The following SIAH3 variants were observed in gnomAD, a reference collection of about 807,000 sequenced individuals.
The protein encoded by SIAH3 is seven in absentia homolog 3.
SIAH3 carries 9 observed loss-of-function variants against 12.6 expected under a neutral mutation model. The ratio of observed to expected loss-of-function variants is 0.72; its 90% CI spans 0.43 to 1.25. The LOEUF (loss-of-function observed/expected upper bound fraction) is 1.25. Ranked by LOEUF, SIAH3 falls within the 50% of genes most tolerant of loss-of-function variation. SIAH3 has a pLI of 0.00. For synonymous variants in SIAH3, 154 were observed against 151.1 expected (o/e 1.02, Z -0.14); for missense variants, 390 against 365.4 (o/e 1.07, Z -0.55).
chr13:45,791,778 T>G (rs1308675187), intron 1 of SIAH3, among the ~76,000 whole-genome samples: 1 of 152,226 alleles, frequency 6.6e-6, no homozygotes, highest in Non-Finnish European at 1.5e-5. Context: ...AATGAATTGC[T>G]TCTCCCAATT....
At chr13:45,846,119 C>T (rs375577676) in intron 1 of SIAH3, among the ~76,000 whole-genome samples, 28 of 86,802 alleles carry the variant, frequency 3.2e-4, no homozygotes, top group South Asian at 2.9e-3. Context: ...GACGGAGTTT[C>T]GCTCTTGTTG....
chr13:45,823,074 T>G (rs577328391), intron 1 of SIAH3, among the ~76,000 whole-genome samples: 54 of 152,316 alleles, frequency 3.5e-4, no homozygotes, highest in South Asian at 1.2e-3. Context: ...TAGCTCTTAT[T>G]TGAACCTCAG....
In SIAH3 at chr13:45,779,239, A is replaced by G. The variant is rs1163634034; in HGVS notation, c.*4144T>C. On this transcript the variant is annotated 3_prime_UTR_variant, in exon 2 of 2. Coordinates refer to ENST00000400405, the MANE Select transcript of SIAH3 (RefSeq NM_198849.3). ...AATAATTAGGAAGTGATGAGTTTTA[A>G]GTACTTTTGACCTTTGCTTTAAATA... The G allele has an allele frequency of 1.3e-5, 2 of 152,228 alleles. No homozygotes were observed. Among genetic ancestry groups the G allele is most frequent in the Non-Finnish European group, 2.9e-5 (2 of 68,034 alleles). 9.4% of individuals were successfully genotyped at this position (152,228 alleles called of 1,614,324 possible).
intron 1 of SIAH3, among the ~76,000 whole-genome samples, chr13:45,821,881 C>G (rs1213040426): frequency 2.0e-5 from 3 of 152,136 alleles, no homozygotes; most frequent in Admixed American, 2.0e-4. Flanking sequence ...TTTCATGTGC[C>G]CAGTTGATTT....
chr13:45,798,714 C>T (rs1306171531), intron 1 of SIAH3, among the ~76,000 whole-genome samples: 2 of 152,202 alleles, frequency 1.3e-5, no homozygotes, highest in African/African-American at 2.4e-5. Flanking sequence ...GAAGCTCTCC[C>T]CTGCAGTCAC....
At chr13:45,806,015 A>G (rs188484141) in intron 1 of SIAH3, among the ~76,000 whole-genome samples, 1 of 152,260 alleles carries the variant, frequency 6.6e-6, no homozygotes, top group African/African-American at 2.4e-5. Context: ...TCAAAACCAC[A>G]ATGAGATGCC....
At chr13:45,802,600 AC>A (rs1950586077) in intron 1 of SIAH3, among the ~76,000 whole-genome samples, 1 of 152,180 alleles carries the variant, frequency 6.6e-6, no homozygotes, top group South Asian at 2.1e-4. Context: ...CCCAACTGAT[AC>A]CTTGGGATAG....
rs772174060 is a variant in SIAH3, at chr13:45,792,667, T to C, written c.136-8610A>G. On this transcript the variant is annotated intron_variant, in intron 1 of 1. Coordinates refer to ENST00000400405, the MANE Select transcript of SIAH3 (RefSeq NM_198849.3). ...GCCACTGTGTCTGGCCATGAAGGTA[T>C]AATTATTAAGGTAGGAGGACAGAAT... is the stretch of plus-strand genomic sequence containing the variant. Among the ~76,000 whole-genome samples the C allele has an allele frequency of 4.6e-5, 7 of 152,310 alleles. No homozygotes were observed. The South Asian group carries it at 6.2e-4, about 14-fold the overall frequency.
intron 1 of SIAH3, among the ~76,000 whole-genome samples, chr13:45,836,120 G>T (rs1362284741): frequency 6.6e-6 from 1 of 152,180 alleles, no homozygotes; most frequent in Non-Finnish European, 1.5e-5. Flanking sequence ...TCTGAGCTTT[G>T]TGCTTAAAAT....
At chr13:45,785,235 G>A (rs1566086181) in intron 1 of SIAH3, among the ~76,000 whole-genome samples, 1 of 152,168 alleles carries the variant, frequency 6.6e-6, no homozygotes, top group Non-Finnish European at 1.5e-5. Context: ...CACAGGGGAG[G>A]TGGCAGCTCT....
chr13:45,842,028 C>A (rs1398169995), intron 1 of SIAH3, among the ~76,000 whole-genome samples: 1 of 152,212 alleles, frequency 6.6e-6, no homozygotes, highest in African/African-American at 2.4e-5. Flanking sequence ...TTGGGCAAGT[C>A]ACTTCATCCC....
intron 1 of SIAH3, among the ~76,000 whole-genome samples, chr13:45,812,614 C>T (rs1178072272): frequency 6.6e-6 from 1 of 152,134 alleles, no homozygotes; most frequent in African/African-American, 2.4e-5. Flanking sequence ...GGTACAGCTT[C>T]CTTAATGCTA....
chr13:45,835,792 A>G (rs1005577552), intron 1 of SIAH3, among the ~76,000 whole-genome samples: 1 of 152,200 alleles, frequency 6.6e-6, no homozygotes. Flanking sequence ...GCTTGGGACC[A>G]AGTCTCACTG....
chr13:45,819,459 G>A (rs557067923), intron 1 of SIAH3, among the ~76,000 whole-genome samples: 2 of 152,038 alleles, frequency 1.3e-5, no homozygotes, highest in Non-Finnish European at 2.9e-5. Context: ...TGGTCGCTGA[G>A]GAAGAGTCAG....
intron 1 of SIAH3, among the ~76,000 whole-genome samples, chr13:45,784,730 T>C (rs2137547616): frequency 6.6e-6 from 1 of 152,296 alleles, no homozygotes; most frequent in Admixed American, 6.5e-5. Context: ...CCAGGGCAGC[T>C]TCCCAGAGCC....
chr13:45,817,557 G>A (rs1298265098), intron 1 of SIAH3, among the ~76,000 whole-genome samples: 4 of 152,200 alleles, frequency 2.6e-5, no homozygotes, highest in Non-Finnish European at 5.9e-5. Context: ...GCCATCACAA[G>A]TGTCCTTATA....
chr13:45,797,565 G>A (rs1445258055), intron 1 of SIAH3, among the ~76,000 whole-genome samples: 6 of 152,178 alleles, frequency 3.9e-5, no homozygotes, highest in Non-Finnish European at 8.8e-5. Flanking sequence ...TGAGTCTGCG[G>A]AGAGAGGGTT....
chr13:45,847,616 T>G (rs978717698), intron 1 of SIAH3, among the ~76,000 whole-genome samples: 2 of 125,582 alleles, frequency 1.6e-5, no homozygotes, highest in African/African-American at 8.2e-5. Context: ...TCCCACTCCA[T>G]GTGTTCGTGT....
rs982549513 is a variant in SIAH3 at position 45,780,882 on chromosome 13, A to G, written c.*2501T>C. 1 of 152,310 alleles carries G rather than the reference A, an allele frequency of 6.6e-6. No individual in the cohort carries two copies. Among genetic ancestry groups the G allele is most frequent in the Admixed American group, 6.5e-5 (1 of 15,294 alleles). The allele number at this position is 152,310 out of a possible 1,614,324, so 9.4% of individuals were successfully genotyped here. A position where few individuals can be genotyped will look rare whatever the true frequency, so the allele number is the denominator to read the frequency against. On this transcript the variant is annotated 3_prime_UTR_variant, in exon 2 of 2. Coordinates refer to ENST00000400405, the MANE Select transcript of SIAH3 (RefSeq NM_198849.3). ...GATTAACCTGAGACTCAAATCAAAGAGCCCTTCAGGAACTGTGAAGCTCAA... is the reference window on the plus strand; with the variant it reads ...GATTAACCTGAGACTCAAATCAAAGGGCCCTTCAGGAACTGTGAAGCTCAA...
Sources: gnomAD v4.1 joint callset for allele counts (sites outside exome capture counted in the v4.1 genomes callset) on GRCh38, gnomAD v4.1.1 for gene constraint, MANE v1.5 for transcripts, NCBI Gene and HGNC (gene_info 2026-07-23, HGNC 2026-07-21) for gene names.